SLC4A11: variants seen among roughly 807,000 people sequenced by gnomAD.
The protein encoded by SLC4A11 is bicarbonate transporter related protein 1.
Under a neutral mutation model 95.0 loss-of-function variants are expected in SLC4A11, and 74 were observed. That is an observed-to-expected ratio of 0.78 (90% CI 0.65 to 0.95). The LOEUF (loss-of-function observed/expected upper bound fraction) is 0.95. SLC4A11 is among the 40% of genes least tolerant of loss of function. The probability of loss-of-function intolerance (pLI) is 0.00; values close to 1 mark genes in which losing one functional copy is unlikely to be tolerated. For synonymous variants in SLC4A11, 548 were observed against 519.0 expected, an observed-to-expected ratio of 1.06 and a Z score of -0.76; for missense variants, 1,081 against 1,192.4, an observed-to-expected ratio of 0.91 and a Z score of 1.38.
intron 10 of SLC4A11, 24 bp downstream of exon 10, chr20:3,230,909 C>A (rs756221254): frequency 6.2e-7 from 1 of 1,612,116 alleles, no homozygotes; most frequent in Non-Finnish European, 8.5e-7. Context: ...TACCCCCACC[C>A]ACCGCCCACC....
At chr20:3,237,854 C>T (rs2068033608) in intron 1 of SLC4A11, 3 of 1,552,146 alleles carry the variant, frequency 1.9e-6, no homozygotes, top group Non-Finnish European at 2.6e-6. Context: ...GGAGGAGAGA[C>T]GTTCCAGGGA....
intron 1 of SLC4A11, 98 bp from the exon 2 acceptor site, chr20:3,237,686 G>T (rs745359955): frequency 2.5e-6 from 4 of 1,614,044 alleles, no homozygotes; most frequent in Non-Finnish European, 3.4e-6. Flanking sequence ...TCATTCCTTC[G>T]CTCTTCCGAG....
chr20:3,239,412 G>C (rs1369118615), upstream of SLC4A11: 1 of 1,082,200 alleles, frequency 9.2e-7, no homozygotes, highest in East Asian at 6.2e-5. Context: ...GGGCCAAACC[G>C]AGTAGACCCG....
rs147997533 is a variant in SLC4A11, at chr20:3,229,218, G to T, written c.1895C>A (p.Ala632Glu). The T allele has an allele frequency of 1.9e-6, 3 of 1,612,798 alleles. No individual in the cohort carries two copies. The highest frequency in any genetic ancestry group is 2.5e-6 in the Non-Finnish European group (3 of 1,180,012). The change falls in exon 16 of 20, where the codon GCG (alanine) becomes GAG (glutamate). Residue 632 changes from alanine (A) to glutamate (E), a missense_variant. Coordinates refer to ENST00000642402, the MANE Select transcript of SLC4A11 (RefSeq NM_001174089.2). The part of the protein sequence containing the change: ...YNPSESPFAM[A>E]QIQSLSLRAV... ...CCTCAGGGACAGCGACTGGATCTGC[G>T]CCATCGCAAAGGGGCTCTCGCTGGG...
rs1568549991 is a variant in SLC4A11 at position 3,239,127 on chromosome 20, GC to G, written c.10del (p.Ala4ProfsTer96). 2.0e-6 allele frequency: 3 copies of G among 1,476,644 alleles called. No homozygotes were observed. Among genetic ancestry groups the G allele is most frequent in the South Asian group, 2.5e-5 (2 of 78,782 alleles). 91.5% of individuals were successfully genotyped at this position (1,476,644 alleles called of 1,614,324 possible). A position where few individuals can be genotyped will look rare whatever the true frequency, so the allele number is the denominator to read the frequency against. The stretch of plus-strand genomic sequence containing the variant: ...CTGCAGATGGAACACGCGCCTGGTG[GC>G]CGCGGCCATGGCACACTCGCGCACT... MAA[A>X]TRRVFHLQPC... On this transcript the variant is annotated frameshift_variant, in exon 1 of 20. Coordinates refer to ENST00000642402, the MANE Select transcript of SLC4A11 (RefSeq NM_001174089.2). LOFTEE classifies it high-confidence loss of function.
chr20:3,236,082 G>A (rs2122632123), intron 2 of SLC4A11, among the ~76,000 whole-genome samples: 1 of 152,262 alleles, frequency 6.6e-6, no homozygotes, highest in South Asian at 2.1e-4. Flanking sequence ...AAACAAGGAT[G>A]GGTCAGCAGC....
In SLC4A11 at chr20:3,238,708, G is replaced by A. The variant is rs566807603; in HGVS notation, c.43+387C>T. ...CGGACGGGAAGATGCCCGGGCGGAA[G>A]GTAAAATGAGACCTTCCGAGGCGGC... On this transcript the variant is annotated intron_variant, in intron 1 of 19. Coordinates refer to ENST00000642402, the MANE Select transcript of SLC4A11 (RefSeq NM_001174089.2). The A allele has an allele frequency of 2.4e-5, 25 of 1,024,014 alleles. No homozygotes were observed. The East Asian group carries it at 2.5e-4, about 10-fold the overall frequency. The allele number at this position is 1,024,014 out of a possible 1,614,324, so 63.4% of individuals were successfully genotyped here.
intron 2 of SLC4A11, among the ~76,000 whole-genome samples, chr20:3,237,059 AG>A (rs1300371422): frequency 6.6e-6 from 1 of 152,174 alleles, no homozygotes; most frequent in Non-Finnish European, 1.5e-5. Flanking sequence ...TCATGGGGCT[AG>A]GCACAGGACA....
chr20:3,235,514 A>G (rs1267128398), intron 2 of SLC4A11, among the ~76,000 whole-genome samples: 2 of 152,108 alleles, frequency 1.3e-5, no homozygotes, highest in Non-Finnish European at 2.9e-5. Context: ...GAGGACCCCA[A>G]GGCCTCATGT....
At chr20:3,229,060 G>GGCCCCCCCCCCCCCCCCCCCCCCCCCCC in intron 16 of SLC4A11, 35 bp downstream of exon 16, 1 of 1,542,140 alleles carries the variant, frequency 6.5e-7, no homozygotes, top group South Asian at 1.2e-5. Flanking sequence ...AGAGGCCCGG[G>GGCCCCCCCCCCCCCCCCCCCCCCCCCCC]CCCCGCCCAC....
chr20:3,231,191 T>A lies in SLC4A11; in HGVS notation c.1000A>T (p.Ile334Phe). 2.5e-6 allele frequency: 4 copies of A among 1,614,050 alleles called. No homozygotes were observed. The highest frequency in any genetic ancestry group is 3.4e-6 in the Non-Finnish European group (4 of 1,179,976). ...GGGTACAAGGGGAACCTGCGTGCGATGTCCTCCCGGATGCCCTTCCCAAAA... is the reference window on the plus strand; with the variant it reads ...GGGTACAAGGGGAACCTGCGTGCGAAGTCCTCCCGGATGCCCTTCCCAAAA... ...VPFGKGIRED[I>F]ARRFPLYPLD... Residue 334 changes from isoleucine (I) to phenylalanine (F), a missense_variant, in exon 9 of 20, where the codon ATC becomes TTC. By Grantham distance (21) the Ile-to-Phe change is conservative. Transcript: ENST00000642402. This position sits in a 1 kb window ranked among gnomAD's most constrained non-coding sequence, Gnocchi z 5.2.
chr20:3,232,036 G>T (rs1226948036), intron 7 of SLC4A11, among the ~76,000 whole-genome samples: 1 of 152,120 alleles, frequency 6.6e-6, no homozygotes, highest in South Asian at 2.1e-4. Context: ...GCAGATCACC[G>T]CAACTACCAT....
At chr20:3,238,742 A>T (rs1294571707) in intron 1 of SLC4A11, 1 of 1,077,418 alleles carries the variant, frequency 9.3e-7, no homozygotes, top group Non-Finnish European at 1.1e-6. Flanking sequence ...GCGGCCCGCC[A>T]GGCTCCCAAA....
At chr20:3,235,280 G>GTCTCTC (rs143173251) in intron 2 of SLC4A11, among the ~76,000 whole-genome samples, 1 of 101,144 alleles carries the variant, frequency 9.9e-6, no homozygotes, top group Non-Finnish European at 1.9e-5. Flanking sequence ...CAGTATCCAC[G>GTCTCTC]TCTCTCTCTC....
chr20:3,230,229 A>G lies in SLC4A11; in HGVS notation c.1447T>C (p.Ser483Pro). Residue 483 changes from serine (S) to proline (P), a missense_variant, in exon 13 of 20, where the codon TCC becomes CCC. Ser to Pro is a moderately conservative substitution (Grantham distance 74, BLOSUM62 -1). Around this residue, in one of 3 missense-constraint regions of SLC4A11, gnomAD observed 767 missense variants for 858.0 expected, o/e 0.89. Transcript: ENST00000642402. ...STEEIIALFI[S>P]ITFVLDAVKG... ...ACGGCATCCAGCACAAACGTGATGGAAATGAAGAGGGCGATGATCTCCTCC... is the reference window on the plus strand; with the variant it reads ...ACGGCATCCAGCACAAACGTGATGGGAATGAAGAGGGCGATGATCTCCTCC... The G allele has an allele frequency of 6.2e-7, 1 of 1,613,612 alleles. No homozygotes were observed. Among genetic ancestry groups the G allele is most frequent in the South Asian group, 1.1e-5 (1 of 91,086 alleles).
At chr20:3,230,059 A>G in intron 13 of SLC4A11, 128 bp downstream of exon 13, 2 of 1,242,222 alleles carry the variant, frequency 1.6e-6, no homozygotes, top group Non-Finnish European at 2.3e-6. Flanking sequence ...CTCCCAGAGC[A>G]CCGCACCCTT....
chr20:3,238,494 G>C, intron 1 of SLC4A11: 1 of 1,005,096 alleles, frequency 9.9e-7, no homozygotes, highest in African/African-American at 1.7e-5. Context: ...TTGGGCCGGT[G>C]CACACTCCGC....
Position 3,229,206 on chromosome 20 carries a change from G to A in SLC4A11, c.1907C>T (p.Ser636Leu), listed in dbSNP as rs201995424. 1.1e-5 allele frequency: 17 copies of A among 1,612,718 alleles called. No individual in the cohort carries two copies. Among genetic ancestry groups the A allele is most frequent in the South Asian group, 8.8e-5 (8 of 91,074 alleles). The change falls in exon 16 of 20, where the codon TCG becomes TTG. Residue 636 changes from serine to leucine, a missense_variant. Physicochemically the swap from Ser to Leu is moderately radical, Grantham distance 145. Coordinates refer to ENST00000642402, the MANE Select transcript of SLC4A11 (RefSeq NM_001174089.2). ...ESPFAMAQIQ[S>L]LSLRAVSGAM... is the part of the protein sequence containing the mutation. ...ACCGCTGACGGCCCTCAGGGACAGCGACTGGATCTGCGCCATCGCAAAGGG... is the reference window on the plus strand; with the variant it reads ...ACCGCTGACGGCCCTCAGGGACAGCAACTGGATCTGCGCCATCGCAAAGGG...
chr20:3,228,041 C>T (rs1463465001), intron 19 of SLC4A11, among the ~76,000 whole-genome samples, 185 bp from the exon 20 acceptor site: 2 of 124,342 alleles, frequency 1.6e-5, no homozygotes, highest in Non-Finnish European at 3.6e-5. Context: ...CACCCCAGCC[C>T]GCCCACTCTC....
Sources: gnomAD v4.1 joint callset for allele counts (sites outside exome capture counted in the v4.1 genomes callset) on GRCh38, gnomAD v4.1.1 for gene constraint, gnomAD v4.1.1 regional missense constraint, Gnocchi (gnomAD v3.1) non-coding constraint, MANE v1.5 for transcripts, NCBI Gene and HGNC (gene_info 2026-07-23, HGNC 2026-07-21) for gene names.